CDH7: variants seen among roughly 807,000 people sequenced by gnomAD.
The protein encoded by CDH7 is cadherin 7.
In CDH7, 25 loss-of-function variants were observed where a neutral mutation model predicts 71.8. That is an observed-to-expected ratio of 0.35 (90% confidence interval 0.25 to 0.49). The LOEUF is 0.49. Ranked by LOEUF, CDH7 falls within the 20% of genes least tolerant of loss-of-function variation. The probability of loss-of-function intolerance (pLI) is 0.99; values close to 1 mark genes in which losing one functional copy is unlikely to be tolerated. For missense variants in CDH7, 862 were observed against 974.6 expected (o/e 0.88, Z 1.54); for synonymous variants, 381 against 363.8 (o/e 1.05, Z -0.54).
chr18:65,813,264 G>A (rs1029236618), intron 3 of CDH7, among the ~76,000 whole-genome samples: 9 of 152,320 alleles, frequency 5.9e-5, no homozygotes, highest in African/African-American at 1.7e-4. Context: ...CCTGCAAGGT[G>A]GAGGTTACGG....
At chr18:65,845,501 C>G (rs1912905762) in intron 7 of CDH7, among the ~76,000 whole-genome samples, 1 of 152,010 alleles carries the variant, frequency 6.6e-6, no homozygotes, top group Admixed American at 6.6e-5. Flanking sequence ...CAGTTCAGCC[C>G]CACATACCAA....
chr18:65,849,691 G>T (rs1913077136), intron 7 of CDH7, among the ~76,000 whole-genome samples: 2 of 151,554 alleles, frequency 1.3e-5, no homozygotes, highest in Non-Finnish European at 2.9e-5. Context: ...GGGATTACAG[G>T]TATGAGCCAC....
intron 3 of CDH7, among the ~76,000 whole-genome samples, chr18:65,813,482 A>T (rs1250727292): frequency 6.6e-6 from 1 of 152,210 alleles, no homozygotes; most frequent in Non-Finnish European, 1.5e-5. Context: ...CAAAATGGGC[A>T]TTAATGACTT....
rs765336647 is a variant in CDH7 at position 65,857,799 on chromosome 18, C to A, written c.1236-17C>A. ...CGTACATGTTGAAGGCTTTTCTTTT[C>A]TTCAATGTTCAATTAGGTACTCAAT... On this transcript the variant is annotated splice_polypyrimidine_tract_variant and intron_variant, in intron 7 of 11. Transcript: ENST00000397968. The A allele has an allele frequency of 1.6e-5, 25 of 1,607,108 alleles. No homozygotes were observed. The highest frequency in any genetic ancestry group is 2.1e-5 in the Non-Finnish European group (25 of 1,176,878).
intron 2 of CDH7, among the ~76,000 whole-genome samples, chr18:65,776,381 C>T (rs1033665985): frequency 3.3e-5 from 5 of 149,978 alleles, no homozygotes; most frequent in African/African-American, 7.5e-5. Context: ...CACACACACA[C>T]ACACACACAC....
At chr18:65,763,594 GGTGTGTGTGTGT>G (rs71167145) in intron 2 of CDH7, among the ~76,000 whole-genome samples, 2 of 99,130 alleles carry the variant, frequency 2.0e-5, no homozygotes, top group East Asian at 2.8e-4. Context: ...TTGATAGGGG[GGTGTGTGTGTGT>G]GTGTGTGTGT....
At chr18:65,853,385 T>G (rs1913216422) in intron 7 of CDH7, among the ~76,000 whole-genome samples, 1 of 96,176 alleles carries the variant, frequency 1.0e-5, no homozygotes, top group Non-Finnish European at 2.4e-5. Flanking sequence ...CTTTCTTCTC[T>G]TGGCTCAATC....
rs1180721442 is a variant in CDH7, at chr18:65,830,664, T to C, written c.981+5833T>C. 1.4e-4 allele frequency among the ~76,000 whole-genome samples: 13 copies of C among 92,144 alleles called. No homozygotes were observed. The Admixed American group carries it at 1.8e-3, about 13-fold the overall frequency. 60.5% of individuals were successfully genotyped at this position (92,144 alleles called of 152,430 possible). ...TCCTTCTTTCCTGTCTTTCTCTCTC[T>C]CTCTTCCTTTCCTTTCCTTTCTTTT... On this transcript the variant is annotated intron_variant, in intron 6 of 11. Transcript: ENST00000397968.
chr18:65,877,191 C>A (rs867707106), intron 11 of CDH7, among the ~76,000 whole-genome samples: 1 of 152,118 alleles, frequency 6.6e-6, no homozygotes, highest in African/African-American at 2.4e-5. Context: ...TTCCAAAATA[C>A]CATGTTTTTC....
At chr18:65,756,267 T>C (rs978720516) in intron 1 of CDH7, among the ~76,000 whole-genome samples, 6 of 152,214 alleles carry the variant, frequency 3.9e-5, no homozygotes, top group African/African-American at 1.4e-4. Flanking sequence ...TCTTGTACTA[T>C]TATGTTTCAT....
rs376666320 is a variant in CDH7 at position 65,889,793 on chromosome 18, TA to T, written c.*8902del. On this transcript the variant is annotated 3_prime_UTR_variant, in exon 12 of 12. Transcript: ENST00000397968. ...TGTGAAGCTAAAAAATAGAATGCAATAAATTAGCTAGTCTGCCACATAGAGA... is the reference window on the plus strand; with the variant it reads ...TGTGAAGCTAAAAAATAGAATGCAATAATTAGCTAGTCTGCCACATAGAGA... The T allele has an allele frequency of 9.9e-5, 15 of 152,232 alleles. No individual in the cohort carries two copies. The East Asian group carries it at 2.9e-3, about 29-fold the overall frequency. 9.4% of individuals were successfully genotyped at this position (152,232 alleles called of 1,614,324 possible).
chr18:65,841,966 G>A (rs961127599), intron 6 of CDH7, among the ~76,000 whole-genome samples: 1 of 152,098 alleles, frequency 6.6e-6, no homozygotes, highest in Non-Finnish European at 1.5e-5. Flanking sequence ...TATTTTCTAT[G>A]TGTCCCAACA....
At chr18:65,848,622 A>G (rs992844296) in intron 7 of CDH7, among the ~76,000 whole-genome samples, 4 of 152,176 alleles carry the variant, frequency 2.6e-5, no homozygotes, top group African/African-American at 7.2e-5. Flanking sequence ...GTACTAAATT[A>G]TGAAATCAGC....
intron 6 of CDH7, among the ~76,000 whole-genome samples, chr18:65,832,316 A>T (rs920473441): frequency 4.6e-5 from 7 of 152,102 alleles, no homozygotes; most frequent in Non-Finnish European, 1.0e-4. Flanking sequence ...ATTCTTTTAG[A>T]ATCAGGAAGA....
At chr18:65,771,399 A>G (rs181125503) in intron 2 of CDH7, among the ~76,000 whole-genome samples, 1 of 152,170 alleles carries the variant, frequency 6.6e-6, no homozygotes, top group African/African-American at 2.4e-5. Flanking sequence ...CAGCATTTTG[A>G]GAGGCTGAGA....
intron 6 of CDH7, among the ~76,000 whole-genome samples, chr18:65,841,128 A>G (rs1912717764): frequency 6.6e-6 from 1 of 152,064 alleles, no homozygotes; most frequent in African/African-American, 2.4e-5. Context: ...TGTAATCTTG[A>G]TTCATAGACT....
At chr18:65,778,608 G>T (rs1364304398) in intron 2 of CDH7, among the ~76,000 whole-genome samples, 1 of 142,866 alleles carries the variant, frequency 7.0e-6, no homozygotes, top group Admixed American at 7.0e-5. Context: ...TATACAAAGG[G>T]TAATTTTATC....
Position 65,862,795 on chromosome 18 carries a change from G to A in CDH7, c.1742G>A (p.Arg581His), listed in dbSNP as rs114470266. The A allele has an allele frequency of 8.1e-6, 13 of 1,614,100 alleles. No homozygotes were observed. Among genetic ancestry groups the A allele is most frequent in the East Asian group, 4.5e-5 (2 of 44,854 alleles). The change falls in exon 11 of 12, where the codon CGC becomes CAC. Residue 581 changes from arginine (R) to histidine (H), a missense_variant. Transcript: ENST00000397968. ...AGCAGCACCAACACCCTCACCATCC[G>A]CGTGTGTGACTGTGATGCTGACGGC... is the stretch of plus-strand genomic sequence containing the variant. ...SLSSTNTLTI[R>H]VCDCDADGVA...
intron 6 of CDH7, among the ~76,000 whole-genome samples, chr18:65,841,600 G>A (rs544881049): frequency 1.6e-4 from 25 of 152,256 alleles, no homozygotes; most frequent in African/African-American, 6.0e-4. Flanking sequence ...TGGTTTCTCA[G>A]TAGATGCTTT....
Sources: gnomAD v4.1 joint callset for allele counts (sites outside exome capture counted in the v4.1 genomes callset) on GRCh38, gnomAD v4.1.1 for gene constraint, MANE v1.5 for transcripts, NCBI Gene and HGNC (gene_info 2026-07-23, HGNC 2026-07-21) for gene names.